The following CD22 variants were observed in gnomAD, a reference collection of about 807,000 sequenced individuals.
The protein encoded by CD22 is CD22 molecule.
Under a neutral mutation model 94.7 loss-of-function variants are expected in CD22, and 51 were observed. The ratio of observed to expected loss-of-function variants is 0.54; its 90% CI spans 0.43 to 0.68. CD22 has a LOEUF of 0.68. Ranked by LOEUF, CD22 falls within the 30% of genes least tolerant of loss-of-function variation. The probability of loss-of-function intolerance (pLI) is 0.00; values close to 1 mark genes in which losing one functional copy is unlikely to be tolerated. For missense variants in CD22, 931 were observed against 1,060.4 expected (o/e 0.88, Z 1.69); for synonymous variants, 424 against 422.5 (o/e 1.00, Z -0.04).
At chr19:35,336,774 C>T (rs1418491742) in intron 4 of CD22, 2 of 182,446 alleles carry the variant, frequency 1.1e-5, no homozygotes, top group Admixed American at 5.4e-5. Flanking sequence ...GTGAAAGAGA[C>T]AGACAACAAA....
chr19:35,338,103 G>A lies in CD22; in HGVS notation c.986-65G>A, dbSNP rs1280139735. 2.5e-6 allele frequency: 4 copies of A among 1,574,088 alleles called. No individual in the cohort carries two copies. The African/African-American group carries it at 5.4e-5, about 21-fold the overall frequency. ...GAGAGGGGAGCCACGGGGGCTCTCG[G>A]GGCCGTGTGCACAGGTTGGGGGTGC... On this transcript the variant is annotated intron_variant, in intron 5 of 13. Transcript: ENST00000085219.
intron 9 of CD22, 139 bp from the exon 10 acceptor site, chr19:35,344,690 C>T: frequency 1.5e-6 from 1 of 674,950 alleles, no homozygotes; most frequent in South Asian, 1.8e-5. Context: ...TTGTCACCCT[C>T]TTCCTCTGCA....
chr19:35,344,071 C>A (rs2066860828), intron 9 of CD22, among the ~76,000 whole-genome samples: 2 of 152,210 alleles, frequency 1.3e-5, no homozygotes, highest in Admixed American at 1.3e-4. Flanking sequence ...TGGCGCGCAC[C>A]TGTAGTCCCA....
At chr19:35,339,457 T>C (rs1432535596) in intron 6 of CD22, among the ~76,000 whole-genome samples, 6 of 150,818 alleles carry the variant, frequency 4.0e-5, no homozygotes, top group Admixed American at 4.0e-4. Flanking sequence ...CCCAGGAGGC[T>C]GAGGTGGGAG....
At chr19:35,332,221 GTTTCC>G in intron 2 of CD22, 147 bp downstream of exon 2, 8 of 822,364 alleles carry the variant, frequency 9.7e-6, no homozygotes, top group Non-Finnish European at 1.6e-5. Flanking sequence ...AAATATATAT[GTTTCC>G]CATATATACA....
intron 3 of CD22, among the ~76,000 whole-genome samples, chr19:35,334,776 C>T (rs1293141835): frequency 6.6e-6 from 1 of 152,114 alleles, no homozygotes; most frequent in Non-Finnish European, 1.5e-5. Flanking sequence ...TGATAAAATT[C>T]ACTTAGAGGT....
rs768906675 is a variant in CD22, at chr19:35,332,764, G to C, written c.252G>C (p.Lys84Asn). Residue 84 changes from lysine to asparagine, a missense_variant, in exon 3 of 14, where the codon AAG (lysine) becomes AAC (asparagine). By Grantham distance (94) the Lys-to-Asn change is moderately conservative. Coordinates refer to ENST00000085219, the MANE Select transcript of CD22 (RefSeq NM_001771.4). ...TCTATGAAAGCACAAAGGATGGGAA[G>C]GTTCCTTCTGAGCAGAAAAGGGTGC... ...TRLYESTKDG[K>N]VPSEQKRVQF... The C allele has an allele frequency of 6.2e-7, 1 of 1,614,174 alleles. No homozygotes were observed. The highest frequency in any genetic ancestry group is 1.1e-5 in the South Asian group (1 of 91,086).
rs376515050 is a variant in CD22 at position 35,332,604 on chromosome 19, C to G, written c.92C>G (p.Thr31Ser). Residue 31 changes from threonine to serine, a missense_variant, in exon 3 of 14, where the codon ACC (threonine) becomes AGC (serine). Thr to Ser is a moderately conservative substitution (Grantham distance 58, BLOSUM62 1). Transcript: ENST00000085219. ...AAATGGGTTTTTGAGCACCCTGAAA[C>G]CCTCTACGCCTGGGAGGGGGCCTGC... ...SSKWVFEHPETLYAWEGACVW... is the reference protein window; with the variant it reads ...SSKWVFEHPESLYAWEGACVW... 6.2e-7 allele frequency: 1 copy of G among 1,614,124 alleles called. No individual in the cohort carries two copies. The highest frequency in any genetic ancestry group is 1.1e-5 in the South Asian group (1 of 91,084).
At position 35,347,022 on chromosome 19, in the gene CD22, C is replaced by T. The variant is rs2066919139; in HGVS notation, c.*325C>T. 1 of 255,494 alleles carries T rather than the reference C, an allele frequency of 3.9e-6. No homozygotes were observed. The highest frequency in any genetic ancestry group is 7.6e-6 in the Non-Finnish European group (1 of 131,458). 15.8% of individuals were successfully genotyped at this position (255,494 alleles called of 1,614,324 possible). A position where few individuals can be genotyped will look rare whatever the true frequency, so the allele number is the denominator to read the frequency against. ...CACGGCCACTGGCCATCTCCACCCC[C>T]AGCTGCTTGTGTCCCTCCTGGGATC... On this transcript the variant is annotated 3_prime_UTR_variant, in exon 14 of 14. Coordinates refer to ENST00000085219, the MANE Select transcript of CD22 (RefSeq NM_001771.4).
intron 1 of CD22, among the ~76,000 whole-genome samples, chr19:35,330,195 G>T (rs901428878): frequency 1.3e-5 from 2 of 152,092 alleles, no homozygotes; most frequent in Non-Finnish European, 2.9e-5. Context: ...AATCAGACGG[G>T]TGTGGTGGCA....
At chr19:35,335,803 C>T (rs1333703712) in intron 3 of CD22, among the ~76,000 whole-genome samples, 6 of 137,748 alleles carry the variant, frequency 4.4e-5, no homozygotes, top group Non-Finnish European at 9.5e-5. Flanking sequence ...TACAGCGAGC[C>T]AAGATCGCGC....
rs1403317206 is a variant in CD22 at position 35,346,753 on chromosome 19, G to A, written c.*56G>A. ...GGCAGCGGGGGCCAGGGAAGTCCCCGAGTTTCCCCAGACACCGCCACATGG... is the reference window on the plus strand; with the variant it reads ...GGCAGCGGGGGCCAGGGAAGTCCCCAAGTTTCCCCAGACACCGCCACATGG... On this transcript the variant is annotated 3_prime_UTR_variant, in exon 14 of 14. Coordinates refer to ENST00000085219, the MANE Select transcript of CD22 (RefSeq NM_001771.4). 1.6e-5 allele frequency: 25 copies of A among 1,523,744 alleles called. No homozygotes were observed. The highest frequency in any genetic ancestry group is 2.6e-5 in the South Asian group (2 of 78,082). The allele number at this position is 1,523,744 out of a possible 1,614,324, so 94.4% of individuals were successfully genotyped here.
Position 35,341,853 on chromosome 19 carries a change from C to T in CD22, c.1923C>T (p.Ser641=), listed in dbSNP as rs2066814890. The T allele has an allele frequency of 6.2e-7, 1 of 1,614,138 alleles. No homozygotes were observed. ...ATAACCAAAGCCTCCCCTACCACAGCCAGAAGCTGAGATTGGAGCCGGTGA... is the reference window on the plus strand; with the variant it reads ...ATAACCAAAGCCTCCCCTACCACAGTCAGAAGCTGAGATTGGAGCCGGTGA... ...DWNNQSLPYH[S]QKLRLEPVKV... is the part of the protein sequence containing the mutation. The change falls in exon 9 of 14, where the codon AGC becomes AGT. Residue 641 remains serine, a synonymous_variant. Coordinates refer to ENST00000085219, the MANE Select transcript of CD22 (RefSeq NM_001771.4). The surrounding 1 kb of genome is among the most constrained non-coding windows in gnomAD (Gnocchi z 4.0).
chr19:35,329,425 G>C (rs1328594666), intron 1 of CD22, 195 bp downstream of exon 1: 3 of 381,740 alleles, frequency 7.9e-6, no homozygotes, highest in Non-Finnish European at 1.6e-5. Context: ...AGTCTTCTGA[G>C]AGTAGGGTAG....
In CD22 at chr19:35,341,848, C is replaced by A. The variant is rs769902121; in HGVS notation, c.1918C>A (p.His640Asn). Residue 640 changes from histidine (H) to asparagine (N), a missense_variant, in exon 9 of 14, where the codon CAC becomes AAC. Transcript: ENST00000085219. The surrounding 1 kb of genome is among the most constrained non-coding windows in gnomAD (Gnocchi z 4.0). ...FDWNNQSLPYHSQKLRLEPVK... is the reference protein window; with the variant it reads ...FDWNNQSLPYNSQKLRLEPVK... ...CTGGAATAACCAAAGCCTCCCCTACCACAGCCAGAAGCTGAGATTGGAGCC... is the reference window on the plus strand; with the variant it reads ...CTGGAATAACCAAAGCCTCCCCTACAACAGCCAGAAGCTGAGATTGGAGCC... The A allele has an allele frequency of 6.2e-7, 1 of 1,614,136 alleles. No individual in the cohort carries two copies. Among genetic ancestry groups the A allele is most frequent in the Non-Finnish European group, 8.5e-7 (1 of 1,180,032 alleles).
intron 4 of CD22, among the ~76,000 whole-genome samples, chr19:35,336,918 G>A (rs542148241): frequency 2.5e-4 from 38 of 152,176 alleles, no homozygotes; most frequent in Non-Finnish European, 5.0e-4. Flanking sequence ...CGAGAGAGGG[G>A]AGTGATGGAG....
At position 35,341,125 on chromosome 19, in the gene CD22, C is replaced by T. The variant is rs2066801489; in HGVS notation, c.1494C>T (p.Ala498=). The T allele has an allele frequency of 1.2e-6, 2 of 1,614,116 alleles. No homozygotes were observed. The highest frequency in any genetic ancestry group is 1.1e-5 in the South Asian group (1 of 91,074). ...NSWCSWASPV[A]LNVQYAPRDV... ...GGTGCTCGTGGGCCTCCCCTGTCGC[C>T]CTGAATGTCCAGTGTGAGTCCCTGG... Residue 498 remains alanine, a synonymous_variant, in exon 7 of 14, where the codon GCC becomes GCT. Transcript: ENST00000085219. The surrounding 1 kb of genome is among the most constrained non-coding windows in gnomAD (Gnocchi z 4.0).
chr19:35,336,413 T>G, intron 4 of CD22, 72 bp downstream of exon 4: 5 of 1,449,510 alleles, frequency 3.4e-6, no homozygotes, highest in Non-Finnish European at 4.7e-6. Context: ...GCAGGGGGCA[T>G]GCACCCAGGG....
At chr19:35,346,105 G>C (rs372210640) in intron 12 of CD22, 46 bp from the exon 13 acceptor site, 39 of 1,438,292 alleles carry the variant, frequency 2.7e-5, no homozygotes, top group Non-Finnish European at 3.5e-5. Flanking sequence ...AGGAGAGTTC[G>C]TGGGAGATGC....
Sources: allele counts gnomAD v4.1 joint callset (sites outside exome capture counted in the v4.1 genomes callset), GRCh38; gene constraint gnomAD v4.1.1; non-coding constraint Gnocchi (gnomAD v3.1); transcripts MANE v1.5; gene names NCBI Gene and HGNC (gene_info 2026-07-23, HGNC 2026-07-21).